PPP2R2A: variants seen among roughly 807,000 people sequenced by gnomAD.
The protein encoded by PPP2R2A is protein phosphatase 2 regulatory subunit Balpha.
In PPP2R2A, 9 loss-of-function variants were observed where a neutral mutation model predicts 53.2. The observed-to-expected ratio is 0.17, with a 90% confidence interval of 0.10 to 0.30. PPP2R2A has a LOEUF of 0.30. Among genes scored for constraint, PPP2R2A ranks in the 10% least tolerant of loss-of-function variants. The pLI, the probability that PPP2R2A is intolerant of heterozygous loss-of-function variation, is 1.00. For synonymous variants in PPP2R2A, 169 were observed against 174.2 expected (o/e 0.97, Z 0.23); for missense variants, 235 against 534.6 (o/e 0.44, Z 5.53).
rs11419341 is a variant in PPP2R2A at position 26,334,008 on chromosome 8, CT to C, written c.83-4873del. ...GATAAAATTTAAGAACATTACATTA[CT>C]TTTTTTTTAACAAAAATACTCTTAT... On this transcript the variant is annotated intron_variant, in intron 2 of 9. Transcript: ENST00000380737. Among the ~76,000 whole-genome samples the C allele has an allele frequency of 8.6e-5, 13 of 151,460 alleles. No homozygotes were observed. In the South Asian group the frequency reaches 2.1e-3, roughly 24 times the overall value.
intron 3 of PPP2R2A, among the ~76,000 whole-genome samples, chr8:26,340,278 T>C (rs1309176663): frequency 2.0e-5 from 3 of 151,992 alleles, no homozygotes; most frequent in African/African-American, 7.2e-5. Context: ...AATAGATTAC[T>C]TTATTACTTA....
chr8:26,323,619 A>T (rs370292876), intron 2 of PPP2R2A, among the ~76,000 whole-genome samples: 5 of 152,338 alleles, frequency 3.3e-5, no homozygotes, highest in African/African-American at 1.2e-4. Context: ...TATGAAGGGC[A>T]TTTTAAAGGA....
chr8:26,342,190 A>T (rs1803976374), intron 3 of PPP2R2A, among the ~76,000 whole-genome samples: 1 of 152,214 alleles, frequency 6.6e-6, no homozygotes, highest in Admixed American at 6.5e-5. Flanking sequence ...CACACAAGTA[A>T]AGTGATTTCC....
At chr8:26,359,165 T>C (rs1804948556) in intron 4 of PPP2R2A, 1 of 199,916 alleles carries the variant, frequency 5.0e-6, no homozygotes, top group African/African-American at 2.3e-5. Flanking sequence ...AGTTGAGGGA[T>C]ATTCTACAAA....
intron 2 of PPP2R2A, among the ~76,000 whole-genome samples, chr8:26,333,145 A>G (rs542197889): frequency 6.6e-6 from 1 of 152,360 alleles, no homozygotes; most frequent in East Asian, 1.9e-4. Flanking sequence ...TTTTAATGCC[A>G]GTATCCAGTT....
chr8:26,339,545 G>A (rs1408607595), intron 3 of PPP2R2A, among the ~76,000 whole-genome samples: 1 of 152,014 alleles, frequency 6.6e-6, no homozygotes, highest in Non-Finnish European at 1.5e-5. Context: ...TTGCAGAATC[G>A]GTAATTAAAG....
At chr8:26,293,323 C>T in intron 1 of PPP2R2A, 1 of 1,473,762 alleles carries the variant, frequency 6.8e-7, no homozygotes, top group Non-Finnish European at 9.2e-7. Flanking sequence ...GCTTTTTGTA[C>T]ACTTAAGAAA....
chr8:26,358,967 A>G (rs775070522), intron 4 of PPP2R2A: 7 of 455,800 alleles, frequency 1.5e-5, no homozygotes, highest in Non-Finnish European at 3.1e-5. Context: ...TGAAAGAGTC[A>G]TTGTATAGTG....
At chr8:26,309,501 C>T (rs1166007490) in intron 2 of PPP2R2A, among the ~76,000 whole-genome samples, 1 of 152,204 alleles carries the variant, frequency 6.6e-6, no homozygotes, top group Non-Finnish European at 1.5e-5. Flanking sequence ...GCATTAGCCC[C>T]TAACAAAAGA....
chr8:26,365,173 A>T (rs2117420706), intron 8 of PPP2R2A: 1 of 152,352 alleles, frequency 6.6e-6, no homozygotes, highest in South Asian at 2.1e-4. Flanking sequence ...TCTACTTATA[A>T]ACAGTTGGAG....
chr8:26,318,776 T>A (rs77033143), intron 2 of PPP2R2A, among the ~76,000 whole-genome samples: 5,940 of 152,296 alleles, frequency 0.039, 100 homozygotes, highest in Middle Eastern at 0.068. Flanking sequence ...GGATATTTGA[T>A]AACATTAAGC....
At position 26,370,264 on chromosome 8, in the gene PPP2R2A, G is replaced by T; in HGVS notation, c.1195G>T (p.Ala399Ser). Residue 399 changes from alanine to serine, a missense_variant, in exon 10 of 10, where the codon GCA becomes TCA. By Grantham distance (99) the Ala-to-Ser change is moderately conservative. This residue lies in a region of PPP2R2A where 181 missense variants were observed against 409.9 expected (regional missense o/e 0.44). Coordinates refer to ENST00000380737, the MANE Select transcript of PPP2R2A (RefSeq NM_002717.4). The surrounding 1 kb of genome is among the most constrained non-coding windows in gnomAD (Gnocchi z 6.1). ...RTVLKPRKVC[A>S]SGKRKKDEIS... ...AGTTCTGAAGCCTCGCAAAGTCTGT[G>T]CAAGTGGCAAGCGAAAGAAAGATGA... The T allele has an allele frequency of 6.2e-7, 1 of 1,614,140 alleles. No individual in the cohort carries two copies. The highest frequency in any genetic ancestry group is 8.5e-7 in the Non-Finnish European group (1 of 1,180,002).
At chr8:26,294,691 CCTGT>C (rs1323869571) in intron 2 of PPP2R2A, among the ~76,000 whole-genome samples, 4 of 152,062 alleles carry the variant, frequency 2.6e-5, no homozygotes, top group African/African-American at 9.7e-5. Context: ...ATATTTCTGA[CCTGT>C]CTGTAGGGTA....
At chr8:26,311,616 C>T (rs1802293927) in intron 2 of PPP2R2A, among the ~76,000 whole-genome samples, 1 of 152,132 alleles carries the variant, frequency 6.6e-6, no homozygotes, top group South Asian at 2.1e-4. Context: ...CTGTTGTGCA[C>T]AGTGATCATG....
chr8:26,338,862 CTTT>C lies in PPP2R2A; in HGVS notation c.83-23_83-21del. On this transcript the variant is annotated intron_variant, in intron 2 of 9. Coordinates refer to ENST00000380737, the MANE Select transcript of PPP2R2A (RefSeq NM_002717.4). This position sits in a 1 kb window ranked among gnomAD's most constrained non-coding sequence, Gnocchi z 4.5. ...TGAGTCGGGAAAGAAAAACTAATAT[CTTT>C]TTTTGTTTTGTCTCAATTATACAGC... is the stretch of plus-strand genomic sequence containing the variant. 2 of 1,473,442 alleles carry C rather than the reference CTTT, an allele frequency of 1.4e-6. No individual in the cohort carries two copies. The highest frequency in any genetic ancestry group is 1.9e-6 in the Non-Finnish European group (2 of 1,065,064). 91.3% of individuals were successfully genotyped at this position (1,473,442 alleles called of 1,614,324 possible).
In PPP2R2A at chr8:26,361,069, T is replaced by G; in HGVS notation, c.555T>G (p.Ile185Met). The change falls in exon 6 of 10, where the codon ATT becomes ATG. Residue 185 changes from isoleucine to methionine, a missense_variant. Around this residue, in one of 3 missense-constraint regions of PPP2R2A, gnomAD observed 181 missense variants for 409.9 expected, o/e 0.44. Transcript: ENST00000380737. ...AHTYHINSISINSDYETYLSA... is the reference protein window; with the variant it reads ...AHTYHINSISMNSDYETYLSA... ...CATATCACATCAACTCAATTTCTAT[T>G]AATAGTGATTATGAAACATATTTAT... The G allele has an allele frequency of 1.2e-6, 2 of 1,605,404 alleles. No individual in the cohort carries two copies. The highest frequency in any genetic ancestry group is 1.7e-6 in the Non-Finnish European group (2 of 1,178,064).
chr8:26,368,064 C>G (rs1265738521), intron 9 of PPP2R2A, among the ~76,000 whole-genome samples: 3 of 152,168 alleles, frequency 2.0e-5, no homozygotes, highest in Non-Finnish European at 4.4e-5. Context: ...CCTAATGATA[C>G]CTTTTTAAAG....
At chr8:26,313,518 G>C (rs1442511857) in intron 2 of PPP2R2A, among the ~76,000 whole-genome samples, 4 of 152,156 alleles carry the variant, frequency 2.6e-5, no homozygotes, top group Non-Finnish European at 4.4e-5. Flanking sequence ...ACTGGATAAT[G>C]GTCCCCGAAA....
chr8:26,354,768 T>C lies in PPP2R2A; in HGVS notation c.346+135T>C. 2.4e-6 allele frequency: 2 copies of C among 819,798 alleles called. No individual in the cohort carries two copies. The highest frequency in any genetic ancestry group is 3.3e-5 in the East Asian group (1 of 30,364). The allele number at this position is 819,798 out of a possible 1,614,324, so 50.8% of individuals were successfully genotyped here. A position where few individuals can be genotyped will look rare whatever the true frequency, so the allele number is the denominator to read the frequency against. ...GTTTTTCTATACAGAATGTAAACTC[T>C]ACTTTTTTACTGTCACTTGCAGTTT... On this transcript the variant is annotated intron_variant, in intron 4 of 9. Transcript: ENST00000380737. This position sits in a 1 kb window ranked among gnomAD's most constrained non-coding sequence, Gnocchi z 4.6.
Sources: allele counts gnomAD v4.1 joint callset (sites outside exome capture counted in the v4.1 genomes callset), GRCh38; gene constraint gnomAD v4.1.1; regional missense constraint gnomAD v4.1.1; non-coding constraint Gnocchi (gnomAD v3.1); transcripts MANE v1.5; gene names NCBI Gene and HGNC (gene_info 2026-07-23, HGNC 2026-07-21).